The following MTARC2 variants were observed in gnomAD, a reference collection of about 807,000 sequenced individuals.
The protein encoded by MTARC2 is MOCO sulphurase C-terminal domain containing 2.
Under a neutral mutation model 35.6 loss-of-function variants are expected in MTARC2, and 27 were observed. That is an observed-to-expected ratio of 0.76 (90% CI 0.56 to 1.04). MTARC2 has a LOEUF of 1.04. Among genes scored for constraint, MTARC2 ranks in the 50% least tolerant of loss-of-function variants. The probability of loss-of-function intolerance (pLI) is 0.00; values close to 1 mark genes in which losing one functional copy is unlikely to be tolerated. For missense variants in MTARC2, 412 were observed against 432.5 expected, an observed-to-expected ratio of 0.95 and a Z score of 0.42; for synonymous variants, 158 against 167.1, an observed-to-expected ratio of 0.95 and a Z score of 0.42.
chr1:220,761,353 C>T (rs1671430485), intron 2 of MTARC2, among the ~76,000 whole-genome samples: 1 of 152,252 alleles, frequency 6.6e-6, no homozygotes, highest in Admixed American at 6.5e-5. Context: ...CATGGACCAG[C>T]AGCTTAGGCA....
At chr1:220,781,070 A>C (rs1400487657) in intron 6 of MTARC2, among the ~76,000 whole-genome samples, 3 of 151,242 alleles carry the variant, frequency 2.0e-5, no homozygotes, top group Admixed American at 6.6e-5. Context: ...GAAGATAGTG[A>C]TTTAGGCTTA....
intron 4 of MTARC2, among the ~76,000 whole-genome samples, chr1:220,772,493 G>A (rs939586497): frequency 6.6e-6 from 1 of 152,160 alleles, no homozygotes; most frequent in African/African-American, 2.4e-5. Flanking sequence ...CATATTTGCA[G>A]CAAATGTTTG....
intron 4 of MTARC2, among the ~76,000 whole-genome samples, chr1:220,776,478 A>G (rs1320794538): frequency 2.0e-5 from 3 of 152,170 alleles, no homozygotes; most frequent in Non-Finnish European, 2.9e-5. Context: ...TTGCATTTAA[A>G]CTTAATTAGC....
At position 220,784,686 on chromosome 1, in the gene MTARC2, CAAAG is replaced by C. The variant is rs1206274644; in HGVS notation, c.*803_*806del. The stretch of plus-strand genomic sequence containing the variant: ...TTCAGTGCAAATAATTTTTTCGTAA[CAAAG>C]AAACGAACAACTTTGGTATGATCTT... On this transcript the variant is annotated 3_prime_UTR_variant, in exon 8 of 8. Transcript: ENST00000366913. 2 of 152,030 alleles carry C rather than the reference CAAAG, an allele frequency of 1.3e-5. No individual in the cohort carries two copies. Among genetic ancestry groups the C allele is most frequent in the Non-Finnish European group, 2.9e-5 (2 of 68,000 alleles). 9.4% of individuals were successfully genotyped at this position (152,030 alleles called of 1,614,324 possible).
chr1:220,777,804 G>A (rs767991205), intron 4 of MTARC2, among the ~76,000 whole-genome samples: 2 of 152,112 alleles, frequency 1.3e-5, no homozygotes, highest in Non-Finnish European at 2.9e-5. Context: ...CCCCTCCCGT[G>A]TGCAGATGCT....
chr1:220,780,153 G>A lies in MTARC2; in HGVS notation c.813-15G>A. On this transcript the variant is annotated splice_polypyrimidine_tract_variant and intron_variant, in intron 5 of 7. Coordinates refer to ENST00000366913, the MANE Select transcript of MTARC2 (RefSeq NM_017898.5). ...GTTCCTAAGCATCACCTAACCCTTG[G>A]TTACTGCATAACAGGTGTATTTTGA... The A allele has an allele frequency of 1.2e-6, 2 of 1,611,760 alleles. No individual in the cohort carries two copies. The highest frequency in any genetic ancestry group is 1.7e-6 in the Non-Finnish European group (2 of 1,179,064).
chr1:220,767,307 G>A (rs1331617895), intron 4 of MTARC2, among the ~76,000 whole-genome samples: 4 of 152,114 alleles, frequency 2.6e-5, no homozygotes, highest in Non-Finnish European at 4.4e-5. Context: ...AAATATTAAT[G>A]TAAAATGAAT....
At chr1:220,748,859 GGGGGCAGGT>G in intron 1 of MTARC2, 56 bp downstream of exon 1, 1 of 1,486,104 alleles carries the variant, frequency 6.7e-7, no homozygotes, top group Non-Finnish European at 8.9e-7. Flanking sequence ...TGAGGAGCGG[GGGGGCAGGT>G]GGGGCCCGAT....
At chr1:220,752,981 G>A (rs2994529) in intron 1 of MTARC2, among the ~76,000 whole-genome samples, 50,543 of 150,120 alleles carry the variant, frequency 0.34, 10,666 homozygotes, top group East Asian at 0.63. Flanking sequence ...TTGGGAGGCC[G>A]AGGTGGGCAG....
At chr1:220,779,096 C>T (rs144969322) in intron 4 of MTARC2, among the ~76,000 whole-genome samples, 12 of 152,186 alleles carry the variant, frequency 7.9e-5, no homozygotes, top group Middle Eastern at 6.8e-3. Context: ...AATTACTAGG[C>T]CCAGCCAAAA....
chr1:220,761,075 T>C (rs1178541677), intron 2 of MTARC2, among the ~76,000 whole-genome samples: 1 of 152,196 alleles, frequency 6.6e-6, no homozygotes, highest in Non-Finnish European at 1.5e-5. Context: ...AAAACTCCAT[T>C]AGGGGAATTT....
Position 220,748,328 on chromosome 1 carries a change from C to T in MTARC2, c.-204C>T, listed in dbSNP as rs998482320. 2 of 478,544 alleles carry T rather than the reference C, an allele frequency of 4.2e-6. No homozygotes were observed. Among genetic ancestry groups the T allele is most frequent in the Non-Finnish European group, 6.6e-6 (2 of 301,756 alleles). The allele number at this position is 478,544 out of a possible 1,614,324, so 29.6% of individuals were successfully genotyped here. A position where few individuals can be genotyped will look rare whatever the true frequency, so the allele number is the denominator to read the frequency against. On this transcript the variant is annotated 5_prime_UTR_variant, in exon 1 of 8. Coordinates refer to ENST00000366913, the MANE Select transcript of MTARC2 (RefSeq NM_017898.5). ...CTGTCTGCCTGTCTTCCTCCATTAC[C>T]GCGCAGGCTTGGTCACCGCATTAAG... is the stretch of plus-strand genomic sequence containing the variant.
At chr1:220,751,478 TG>T (rs1306503576) in intron 1 of MTARC2, among the ~76,000 whole-genome samples, 6 of 152,158 alleles carry the variant, frequency 3.9e-5, no homozygotes, top group African/African-American at 1.4e-4. Context: ...TCTGCACAAA[TG>T]ATGAACTGTT....
chr1:220,769,509 T>C (rs1671675640), intron 4 of MTARC2, among the ~76,000 whole-genome samples: 1 of 152,038 alleles, frequency 6.6e-6, no homozygotes, highest in Non-Finnish European at 1.5e-5. Context: ...CTGGGGTTTC[T>C]AGTGTGTAGC....
At chr1:220,758,199 G>C (rs1001049043) in intron 2 of MTARC2, among the ~76,000 whole-genome samples, 2 of 151,772 alleles carry the variant, frequency 1.3e-5, no homozygotes, top group African/African-American at 4.8e-5. Context: ...TGGCTACCAT[G>C]GTCTCGATCT....
At chr1:220,773,851 A>C (rs1671813871) in intron 4 of MTARC2, among the ~76,000 whole-genome samples, 4 of 152,182 alleles carry the variant, frequency 2.6e-5, no homozygotes, top group Admixed American at 2.6e-4. Flanking sequence ...TATGAAAAAC[A>C]AATAATGTTT....
intron 1 of MTARC2, among the ~76,000 whole-genome samples, chr1:220,749,384 C>G (rs1389043237): frequency 6.6e-6 from 1 of 151,736 alleles, no homozygotes; most frequent in Non-Finnish European, 1.5e-5. Context: ...ACTTTTGGGC[C>G]TGACACATAG....
intron 4 of MTARC2, among the ~76,000 whole-genome samples, chr1:220,773,450 C>CT (rs966145172): frequency 6.6e-6 from 1 of 151,654 alleles, no homozygotes; most frequent in Non-Finnish European, 1.5e-5. Flanking sequence ...ACAGTAAAGC[C>CT]TTTTTTGAGT....
rs945117305 is a variant in MTARC2 at position 220,782,026 on chromosome 1, T to C, written c.*31+94T>C. 3.8e-5 allele frequency: 41 copies of C among 1,083,092 alleles called. No individual in the cohort carries two copies. In the African/African-American group the frequency reaches 4.8e-4, roughly 13 times the overall value. The allele number at this position is 1,083,092 out of a possible 1,614,324, so 67.1% of individuals were successfully genotyped here. ...TTTTTATGTTATGCTGCTTTAATTC[T>C]TGAGAGAATGAACAGTTTTATATTC... On this transcript the variant is annotated intron_variant, in intron 7 of 7. Coordinates refer to ENST00000366913, the MANE Select transcript of MTARC2 (RefSeq NM_017898.5).
Sources: allele counts gnomAD v4.1 joint callset (sites outside exome capture counted in the v4.1 genomes callset), GRCh38; gene constraint gnomAD v4.1.1; transcripts MANE v1.5; gene names NCBI Gene and HGNC (gene_info 2026-07-23, HGNC 2026-07-21).